Variants in CALCR observed in about 807,000 individuals in gnomAD.
CALCR encodes the protein calcitonin receptor.
A neutral mutation model predicts 59.5 loss-of-function variants in CALCR; 47 were observed. The ratio of observed to expected loss-of-function variants is 0.79; its 90% CI spans 0.63 to 1.01. CALCR has a LOEUF of 1.01. Ranked by LOEUF, CALCR falls within the 50% of genes least tolerant of loss-of-function variation. The probability of loss-of-function intolerance (pLI) is 0.00; values close to 1 mark genes in which losing one functional copy is unlikely to be tolerated. For synonymous variants in CALCR, 213 were observed against 211.3 expected, an observed-to-expected ratio of 1.01 and a Z score of -0.07; for missense variants, 566 against 597.1, an observed-to-expected ratio of 0.95 and a Z score of 0.54.
At chr7:93,483,865 G>C (rs563755598) in intron 3 of CALCR, 2 of 410,868 alleles carry the variant, frequency 4.9e-6, no homozygotes, top group African/African-American at 4.1e-5. Context: ...AGTTTTCAAA[G>C]CTTTGCATAT....
chr7:93,568,465 G>C (rs1160980733), intron 2 of CALCR, among the ~76,000 whole-genome samples: 1 of 149,934 alleles, frequency 6.7e-6, no homozygotes, highest in South Asian at 2.1e-4. Context: ...GTAACATCCC[G>C]CATGAGTGCT....
At chr7:93,506,624 G>C (rs1423614973) in intron 2 of CALCR, among the ~76,000 whole-genome samples, 3 of 151,762 alleles carry the variant, frequency 2.0e-5, no homozygotes, top group African/African-American at 7.3e-5. Context: ...TGAACTATTT[G>C]GTCAAACAGT....
intron 5 of CALCR, among the ~76,000 whole-genome samples, chr7:93,476,779 T>C (rs141056872): frequency 2.1e-3 from 322 of 151,990 alleles, no homozygotes; most frequent in African/African-American, 6.8e-3. Flanking sequence ...GAAGAGTCAA[T>C]AAGGGCCTGA....
At chr7:93,552,675 G>T (rs117942061) in intron 2 of CALCR, among the ~76,000 whole-genome samples, 1 of 152,086 alleles carries the variant, frequency 6.6e-6, no homozygotes, top group Non-Finnish European at 1.5e-5. Context: ...CTAGAGGTTA[G>T]AACTAGAAGC....
chr7:93,472,612 GTCAGTAGAGACTATCACAAA>G, intron 5 of CALCR, 125 bp from the exon 6 acceptor site: 1 of 626,404 alleles, frequency 1.6e-6, no homozygotes, highest in South Asian at 2.0e-5. Flanking sequence ...ATGTGAGTAT[GTCAGTAGAGACTATCACAAA>G]TCATGTATTA....
At chr7:93,503,386 A>G (rs562080505) in intron 2 of CALCR, among the ~76,000 whole-genome samples, 6 of 150,806 alleles carry the variant, frequency 4.0e-5, no homozygotes, top group South Asian at 4.2e-4. Context: ...TTTCTGAGGA[A>G]GGAGAAAGCA....
chr7:93,468,166 T>C (rs1800478860), intron 7 of CALCR, among the ~76,000 whole-genome samples: 1 of 151,808 alleles, frequency 6.6e-6, no homozygotes, highest in African/African-American at 2.4e-5. Context: ...TTTCCTTGTA[T>C]GTTTTCTCAT....
chr7:93,461,781 T>A (rs1275257732), intron 7 of CALCR, among the ~76,000 whole-genome samples: 1 of 152,188 alleles, frequency 6.6e-6, no homozygotes, highest in East Asian at 1.9e-4. Flanking sequence ...AATTTGAATA[T>A]CCTATTTCAT....
At chr7:93,470,470 T>C (rs1178464439) in intron 6 of CALCR, among the ~76,000 whole-genome samples, 1 of 151,824 alleles carries the variant, frequency 6.6e-6, no homozygotes, top group Non-Finnish European at 1.5e-5. Context: ...TTTTAAAAAA[T>C]CTTTGCATAC....
intron 13 of CALCR, among the ~76,000 whole-genome samples, chr7:93,428,301 A>G (rs1388723019): frequency 6.6e-6 from 1 of 152,216 alleles, no homozygotes; most frequent in Non-Finnish European, 1.5e-5. Context: ...TGGATGGGGC[A>G]CTGAGGTTAT....
chr7:93,569,097 T>A (rs1020886014), intron 2 of CALCR, among the ~76,000 whole-genome samples: 5 of 151,904 alleles, frequency 3.3e-5, no homozygotes, highest in African/African-American at 4.8e-5. Context: ...CTTTTCTGTC[T>A]CCAACAAGGA....
chr7:93,505,144 A>T (rs1055970196), intron 2 of CALCR, among the ~76,000 whole-genome samples: 1 of 151,950 alleles, frequency 6.6e-6, no homozygotes, highest in Non-Finnish European at 1.5e-5. Flanking sequence ...TCTAGATAAG[A>T]CTAGATATAG....
chr7:93,556,176 G>C (rs1239163808), intron 2 of CALCR, among the ~76,000 whole-genome samples: 1 of 152,134 alleles, frequency 6.6e-6, no homozygotes, highest in Admixed American at 6.6e-5. Flanking sequence ...CAGTAGAGTA[G>C]GGATGGAGGA....
At chr7:93,556,350 T>G (rs1471262054) in intron 2 of CALCR, among the ~76,000 whole-genome samples, 1 of 152,198 alleles carries the variant, frequency 6.6e-6, no homozygotes, top group Non-Finnish European at 1.5e-5. Flanking sequence ...TGGTCTACAC[T>G]GTTTGAGTTC....
At chr7:93,548,644 A>G (rs13236045) in intron 2 of CALCR, among the ~76,000 whole-genome samples, 13,350 of 150,818 alleles carry the variant, frequency 0.089, 674 homozygotes, top group African/African-American at 0.11. Flanking sequence ...GCATGGATAC[A>G]TGAACTAGTT....
chr7:93,450,431 T>A (rs1240456941), intron 8 of CALCR, among the ~76,000 whole-genome samples: 1 of 151,972 alleles, frequency 6.6e-6, no homozygotes, highest in Non-Finnish European at 1.5e-5. Flanking sequence ...GGTTATGTGG[T>A]CAGTGAAAGA....
Position 93,438,124 on chromosome 7 carries a change from C to G in CALCR, c.866G>C (p.Cys289Ser). 6.2e-7 allele frequency: 1 copy of G among 1,613,788 alleles called. No homozygotes were observed. The highest frequency in any genetic ancestry group is 2.2e-5 in the East Asian group (1 of 44,856). Residue 289 changes from cysteine to serine, a missense_variant and splice_region_variant, in exon 11 of 14, where the codon TGC becomes TCC. By Grantham distance (112) the Cys-to-Ser change is moderately radical. Coordinates refer to ENST00000426151, the MANE Select transcript of CALCR (RefSeq NM_001742.4). Reference protein sequence around the residue: ...ITRAVYFNDNCWLSVETHLLY... With the variant: ...ITRAVYFNDNSWLSVETHLLY... ...CAAATGGGTTTCCACACTCAGCCAG[C>G]AGCTGAAAAAGGGCAAGGGGACAAT...
intron 2 of CALCR, among the ~76,000 whole-genome samples, chr7:93,569,339 G>A (rs1182117776): frequency 3.3e-5 from 5 of 152,100 alleles, no homozygotes. Flanking sequence ...GCTTCTTTGT[G>A]TATAATCTGT....
intron 2 of CALCR, among the ~76,000 whole-genome samples, chr7:93,518,549 T>C (rs956190949): frequency 3.3e-5 from 5 of 151,976 alleles, no homozygotes; most frequent in Non-Finnish European, 7.4e-5. Context: ...AATGCACTTC[T>C]GCATTATTGG....
Sources: gnomAD v4.1 joint callset for allele counts (sites outside exome capture counted in the v4.1 genomes callset) on GRCh38, gnomAD v4.1.1 for gene constraint, MANE v1.5 for transcripts, NCBI Gene and HGNC (gene_info 2026-07-23, HGNC 2026-07-21) for gene names.